ZNF208: variants seen among roughly 807,000 people sequenced by gnomAD.
ZNF208 encodes zinc finger protein 208.
Under a neutral mutation model 12.1 loss-of-function variants are expected in ZNF208, and 10 were observed. The observed-to-expected ratio is 0.83, with a 90% CI of 0.51 to 1.40. The LOEUF (loss-of-function observed/expected upper bound fraction) is 1.40, where lower values mean the gene tolerates loss of function less well. Among genes scored for constraint, ZNF208 ranks in the 40% most tolerant of loss-of-function variants. ZNF208 has a pLI of 0.00. For synonymous variants in ZNF208, 497 were observed against 488.4 expected (o/e 1.02, Z -0.23); for missense variants, 1,652 against 1,485.0 (o/e 1.11, Z -1.85).
intron 4 of ZNF208, among the ~76,000 whole-genome samples, chr19:21,954,629 C>T (rs947328214): frequency 1.3e-5 from 2 of 152,162 alleles, no homozygotes; most frequent in Non-Finnish European, 2.9e-5. Flanking sequence ...GGTTTAAAGT[C>T]TGTTTTATCC....
At position 21,990,315 on chromosome 19, in the gene ZNF208, T is replaced by A. The variant is rs576528740; in HGVS notation, c.4-1406A>T. On this transcript the variant is annotated intron_variant, in intron 1 of 3. Coordinates refer to ENST00000397126, the MANE Select transcript of ZNF208 (RefSeq NM_007153.3). ...CTTTCTACATATGGCTAGCCAGTTT[T>A]CCCAGCACCATTTATTAAATAAGGA... Among the ~76,000 whole-genome samples the A allele has an allele frequency of 2.0e-5, 3 of 152,352 alleles. No homozygotes were observed. The East Asian group carries it at 5.8e-4, about 29-fold the overall frequency.
rs1029045462 is a variant in ZNF208 at position 21,970,839 on chromosome 19, C to A, written c.*352G>T. Reference sequence around the variant, plus strand: ...GACTGAGAACCAGCTGAAGGCTTTGCCACTTTCTTCACATTTGTAGGGTTT... The same window carrying A: ...GACTGAGAACCAGCTGAAGGCTTTGACACTTTCTTCACATTTGTAGGGTTT... On this transcript the variant is annotated 3_prime_UTR_variant, in exon 4 of 4. Transcript: ENST00000397126. The A allele has an allele frequency of 2.7e-6, 4 of 1,494,782 alleles. No homozygotes were observed. The highest frequency in any genetic ancestry group is 3.7e-6 in the Non-Finnish European group (4 of 1,075,042). The allele number at this position is 1,494,782 out of a possible 1,614,324, so 92.6% of individuals were successfully genotyped here.
At chr19:21,956,642 A>G (rs763596698) in intron 4 of ZNF208, among the ~76,000 whole-genome samples, 8 of 152,214 alleles carry the variant, frequency 5.3e-5, no homozygotes, top group Non-Finnish European at 1.0e-4. Flanking sequence ...TGAGTCAGGT[A>G]CTGGATATAA....
intron 4 of ZNF208, among the ~76,000 whole-genome samples, chr19:21,956,239 C>T (rs901705877): frequency 4.3e-4 from 65 of 152,286 alleles, no homozygotes; most frequent in African/African-American, 1.4e-3. Context: ...AGGTGTCAGT[C>T]GGCCCCTACT....
intron 3 of ZNF208, among the ~76,000 whole-genome samples, chr19:21,977,139 G>A (rs114684241): frequency 0.02 from 2,964 of 150,680 alleles, 73 homozygotes; most frequent in African/African-American, 0.064. Context: ...CGTTGAATAC[G>A]TGTGTGTGTG....
At chr19:21,981,203 A>G (rs1014595570) in intron 3 of ZNF208, among the ~76,000 whole-genome samples, 2 of 152,182 alleles carry the variant, frequency 1.3e-5, no homozygotes, top group Non-Finnish European at 2.9e-5. Flanking sequence ...TGTCTAACTC[A>G]TTTTATGAGG....
chr19:21,974,137 A>G lies in ZNF208; in HGVS notation c.897T>C (p.Thr299=), dbSNP rs878979661. 5 of 1,599,570 alleles carry G rather than the reference A, an allele frequency of 3.1e-6. No individual in the cohort carries two copies. Among genetic ancestry groups the G allele is most frequent in the Non-Finnish European group, 4.3e-6 (5 of 1,174,680 alleles). The change falls in exon 4 of 4, where the codon ACT becomes ACC. Residue 299 remains threonine (T), a synonymous_variant. Transcript: ENST00000397126. The part of the protein sequence containing the change: ...ECGKAFSKVS[T]LTTHKAIHAG... ...CATGAATTGCCTTATGTGTAGTAAG[A>G]GTCGAGACCTTACTAAAGGCTTTGC...
At position 21,971,658 on chromosome 19, in the gene ZNF208, A is replaced by G. The variant is rs753343782; in HGVS notation, c.3376T>C (p.Ser1126Pro). 2.5e-5 allele frequency: 40 copies of G among 1,613,502 alleles called. No homozygotes were observed. The highest frequency in any genetic ancestry group is 3.4e-5 in the Non-Finnish European group (40 of 1,179,956). Residue 1126 changes from serine (S) to proline (P), a missense_variant, in exon 4 of 4, where the codon TCA becomes CCA. Transcript: ENST00000397126. The stretch of plus-strand genomic sequence containing the variant: ...ATTACCTTATGTTTAGTAAGGATTG[A>G]GAACGTACTAAAGCTTTTGCCACAT... Reference protein sequence around the residue: ...EECGKSFSTFSILTKHKVIHT... With the variant: ...EECGKSFSTFPILTKHKVIHT...
chr19:21,950,634 C>T (rs1442359694), intron 4 of ZNF208, among the ~76,000 whole-genome samples: 1 of 152,204 alleles, frequency 6.6e-6, no homozygotes, highest in East Asian at 1.9e-4. Context: ...GCTGGGATTA[C>T]AGGCATCTGC....
chr19:22,004,163 G>A (rs919658560), intron 1 of ZNF208, among the ~76,000 whole-genome samples: 8 of 149,276 alleles, frequency 5.4e-5, no homozygotes, highest in African/African-American at 2.0e-4. Flanking sequence ...TGGGAAAAAG[G>A]TGAGACCCTG....
rs1255467544 is a variant in ZNF208, at chr19:21,972,053, A to G, written c.2981T>C (p.Ile994Thr). Residue 994 changes from isoleucine (I) to threonine (T), a missense_variant, in exon 4 of 4, where the codon ATT (isoleucine) becomes ACT (threonine). Physicochemically the swap from Ile to Thr is moderately conservative, Grantham distance 89. Coordinates refer to ENST00000397126, the MANE Select transcript of ZNF208 (RefSeq NM_007153.3). Reference sequence around the variant, plus strand: ...TTTGTAGGGTTTCTCTCCAGTATGAATTACCTTATGTTTAGTAAGGATTGA... The same window carrying G: ...TTTGTAGGGTTTCTCTCCAGTATGAGTTACCTTATGTTTAGTAAGGATTGA... ...TFSILTKHKVIHTGEKPYKCE... is the reference protein window; with the variant it reads ...TFSILTKHKVTHTGEKPYKCE... The G allele has an allele frequency of 5.0e-6, 8 of 1,613,664 alleles. No homozygotes were observed. The highest frequency in any genetic ancestry group is 5.9e-6 in the Non-Finnish European group (7 of 1,179,888).
downstream of ZNF208, chr19:21,966,047 C>G (rs1970160177): frequency 6.6e-6 from 1 of 151,922 alleles, no homozygotes; most frequent in East Asian, 1.9e-4. Context: ...TTGTCTTTCA[C>G]CCCTAATTTC....
intron 4 of ZNF208, among the ~76,000 whole-genome samples, chr19:21,959,342 A>G (rs1197038598): frequency 6.6e-6 from 1 of 152,222 alleles, no homozygotes; most frequent in Non-Finnish European, 1.5e-5. Context: ...CTCTCACTTT[A>G]GTCTCAATTC....
chr19:21,986,003 A>G (rs776079536), intron 3 of ZNF208, among the ~76,000 whole-genome samples: 2 of 152,192 alleles, frequency 1.3e-5, no homozygotes, highest in Non-Finnish European at 2.9e-5. Context: ...CCTTATAGTA[A>G]GCCAACTCTA....
At chr19:21,965,230 T>C (rs1268281991), downstream of ZNF208, among the ~76,000 whole-genome samples, 3 of 152,056 alleles carry the variant, frequency 2.0e-5, no homozygotes, top group African/African-American at 7.2e-5. Flanking sequence ...TTAGAAACTA[T>C]AAATAATACA....
intron 1 of ZNF208, 92 bp from the exon 2 acceptor site, chr19:21,989,001 G>A: frequency 6.6e-7 from 1 of 1,515,716 alleles, no homozygotes; most frequent in Non-Finnish European, 8.9e-7. Flanking sequence ...AAGAGAGCTG[G>A]TTCTGACTTA....
chr19:21,954,115 C>G (rs891001525), intron 4 of ZNF208, among the ~76,000 whole-genome samples: 1 of 152,162 alleles, frequency 6.6e-6, no homozygotes, highest in African/African-American at 2.4e-5. Flanking sequence ...TCAGGAGCAG[C>G]TTGTTCAGTT....
At chr19:22,004,767 A>C (rs1297580581) in intron 1 of ZNF208, among the ~76,000 whole-genome samples, 1 of 152,156 alleles carries the variant, frequency 6.6e-6, no homozygotes, top group African/African-American at 2.4e-5. Flanking sequence ...TAGAGGGTGG[A>C]GGGTGGGAGG....
intron 3 of ZNF208, among the ~76,000 whole-genome samples, chr19:21,984,435 C>A (rs1368463579): frequency 6.6e-6 from 1 of 152,060 alleles, no homozygotes; most frequent in Non-Finnish European, 1.5e-5. Flanking sequence ...CACCTGTAGT[C>A]CCAGCTACTC....
Sources: gnomAD v4.1 joint callset for allele counts (sites outside exome capture counted in the v4.1 genomes callset) on GRCh38, gnomAD v4.1.1 for gene constraint, MANE v1.5 for transcripts, NCBI Gene and HGNC (gene_info 2026-07-23, HGNC 2026-07-21) for gene names.